Variants in MACROD2 observed in about 807,000 individuals in gnomAD.
MACROD2 encodes the protein mono-ADP ribosylhydrolase 2.
In MACROD2, 36 loss-of-function variants were observed where a neutral mutation model predicts 70.4. The ratio of observed to expected loss-of-function variants is 0.51; its 90% CI spans 0.39 to 0.68. The LOEUF (loss-of-function observed/expected upper bound fraction) is 0.68. Among genes scored for constraint, MACROD2 ranks in the 30% least tolerant of loss-of-function variants. The pLI, the probability that MACROD2 is intolerant of heterozygous loss-of-function variation, is 0.00. For missense variants in MACROD2, 496 were observed against 538.4 expected, an observed-to-expected ratio of 0.92 and a Z score of 0.78; for synonymous variants, 172 against 178.8, an observed-to-expected ratio of 0.96 and a Z score of 0.30.
intron 7 of MACROD2, among the ~76,000 whole-genome samples, chr20:15,459,891 T>G (rs2046784153): frequency 6.6e-6 from 1 of 152,032 alleles, no homozygotes; most frequent in Admixed American, 6.6e-5. Context: ...TCAGTCCAAG[T>G]GGTTCTTATG....
intron 8 of MACROD2, among the ~76,000 whole-genome samples, chr20:15,672,213 A>G (rs1263735998): frequency 1.3e-5 from 2 of 152,180 alleles, no homozygotes; most frequent in Non-Finnish European, 2.9e-5. Flanking sequence ...ATGACTGTTC[A>G]TATTTATAAT....
intron 12 of MACROD2, among the ~76,000 whole-genome samples, chr20:15,938,494 A>G (rs538318424): frequency 1.3e-5 from 2 of 152,176 alleles, no homozygotes; most frequent in South Asian, 4.2e-4. Context: ...TTACTATTAT[A>G]ATTGTTTTGG....
At chr20:15,381,326 T>G (rs898035510) in intron 6 of MACROD2, among the ~76,000 whole-genome samples, 1 of 148,148 alleles carries the variant, frequency 6.8e-6, no homozygotes, top group African/African-American at 2.5e-5. Context: ...AAGGGACACT[T>G]TACTAAGGCC....
At chr20:15,730,381 G>T (rs1244929921) in intron 8 of MACROD2, among the ~76,000 whole-genome samples, 1 of 152,164 alleles carries the variant, frequency 6.6e-6, no homozygotes, top group Admixed American at 6.5e-5. Flanking sequence ...CTCTTGTAAG[G>T]TGGGTCTAGT....
intron 6 of MACROD2, among the ~76,000 whole-genome samples, chr20:15,271,833 C>T (rs775364218): frequency 7.9e-5 from 12 of 152,072 alleles, no homozygotes; most frequent in African/African-American, 1.9e-4. Flanking sequence ...GTTAAGGCAC[C>T]GTGCTACCTA....
chr20:15,720,142 T>C (rs2050767452), intron 8 of MACROD2, among the ~76,000 whole-genome samples: 1 of 152,228 alleles, frequency 6.6e-6, no homozygotes, highest in Non-Finnish European at 1.5e-5. Context: ...TTATTTTTTA[T>C]AGCCAAATAG....
chr20:14,738,822 T>G (rs1041587015), intron 5 of MACROD2, among the ~76,000 whole-genome samples: 2 of 151,870 alleles, frequency 1.3e-5, no homozygotes, highest in African/African-American at 4.8e-5. Context: ...ACAAGTATCC[T>G]TAATATAGAG....
chr20:16,024,569 T>C (rs913622134), intron 15 of MACROD2, among the ~76,000 whole-genome samples: 2 of 151,860 alleles, frequency 1.3e-5, no homozygotes, highest in Non-Finnish European at 2.9e-5. Context: ...ATAGCCTCTT[T>C]GTAATGGAGG....
chr20:14,983,276 C>T (rs2074818143), intron 5 of MACROD2, among the ~76,000 whole-genome samples: 1 of 152,078 alleles, frequency 6.6e-6, no homozygotes, highest in South Asian at 2.1e-4. Flanking sequence ...AAGGGACTTG[C>T]CTTGTCTCAG....
At chr20:15,550,808 C>T (rs1354890655) in intron 8 of MACROD2, among the ~76,000 whole-genome samples, 2 of 152,144 alleles carry the variant, frequency 1.3e-5, no homozygotes, top group Non-Finnish European at 2.9e-5. Flanking sequence ...TCAACAACCC[C>T]AGCAATTTCT....
intron 15 of MACROD2, among the ~76,000 whole-genome samples, chr20:16,039,885 C>CT (rs1031539021): frequency 6.6e-6 from 1 of 151,722 alleles, no homozygotes; most frequent in African/African-American, 2.4e-5. Flanking sequence ...ACCATGAGTC[C>CT]TTTTTTTCCC....
chr20:15,068,228 G>A (rs1568557707), intron 5 of MACROD2, among the ~76,000 whole-genome samples: 1 of 151,990 alleles, frequency 6.6e-6, no homozygotes, highest in African/African-American at 2.4e-5. Flanking sequence ...AATTGTTATT[G>A]TATTATTACA....
intron 5 of MACROD2, among the ~76,000 whole-genome samples, chr20:14,968,866 CTGTT>C (rs756876737): frequency 1.3e-5 from 2 of 151,820 alleles, no homozygotes; most frequent in Non-Finnish European, 2.9e-5. Flanking sequence ...GGTTCAAGTT[CTGTT>C]TGTTTGTTTT....
At chr20:15,758,046 T>C (rs765917827) in intron 8 of MACROD2, among the ~76,000 whole-genome samples, 4 of 152,166 alleles carry the variant, frequency 2.6e-5, no homozygotes, top group Non-Finnish European at 5.9e-5. Context: ...TTATAAGCGA[T>C]TCCAAAACAG....
At chr20:15,725,507 A>G (rs1228709074) in intron 8 of MACROD2, among the ~76,000 whole-genome samples, 1 of 127,518 alleles carries the variant, frequency 7.8e-6, no homozygotes, top group African/African-American at 3.0e-5. Context: ...TTCTACGTAG[A>G]TAATCATGTC....
At chr20:15,982,952 T>A (rs1459250164) in intron 13 of MACROD2, among the ~76,000 whole-genome samples, 1 of 152,262 alleles carries the variant, frequency 6.6e-6, no homozygotes, top group East Asian at 1.9e-4. Flanking sequence ...GCCACTGGCC[T>A]TGGCCAGGGC....
chr20:14,393,834 T>C lies in MACROD2; in HGVS notation c.272-99645T>C, dbSNP rs543794766. On this transcript the variant is annotated intron_variant, in intron 3 of 17. Transcript: ENST00000684519. The stretch of plus-strand genomic sequence containing the variant: ...GATTTGAGAGTCTTTGTCAGGTAAT[T>C]AGGTTAAGATGATGTCATGCGGGTG... 9.2e-5 allele frequency among the ~76,000 whole-genome samples: 14 copies of C among 152,228 alleles called. No individual in the cohort carries two copies. In the East Asian group the frequency reaches 2.7e-3, roughly 29 times the overall value.
intron 8 of MACROD2, among the ~76,000 whole-genome samples, chr20:15,602,512 T>G (rs1318851583): frequency 6.6e-6 from 1 of 152,202 alleles, no homozygotes; most frequent in Non-Finnish European, 1.5e-5. Flanking sequence ...GAACCCAAAC[T>G]TCAGTAGCTA....
At chr20:14,444,117 C>T (rs1026849113) in intron 3 of MACROD2, among the ~76,000 whole-genome samples, 1 of 151,850 alleles carries the variant, frequency 6.6e-6, no homozygotes, top group African/African-American at 2.4e-5. Context: ...ATAAAATGGA[C>T]AAATAGGTCA....
Sources: allele counts gnomAD v4.1 joint callset (sites outside exome capture counted in the v4.1 genomes callset), GRCh38; gene constraint gnomAD v4.1.1; transcripts MANE v1.5; gene names NCBI Gene and HGNC (gene_info 2026-07-23, HGNC 2026-07-21).